The following CTNNA2 variants were observed in gnomAD, a reference collection of about 807,000 sequenced individuals.
CTNNA2 encodes the protein catenin alpha 2.
Under a neutral mutation model 101.0 loss-of-function variants are expected in CTNNA2, and 42 were observed. The ratio of observed to expected loss-of-function variants is 0.42; its 90% CI spans 0.32 to 0.54. The LOEUF (loss-of-function observed/expected upper bound fraction) is 0.54. Ranked by LOEUF, CTNNA2 falls within the 20% of genes least tolerant of loss-of-function variation. The pLI is 0.14. For missense variants in CTNNA2, 871 were observed against 1,223.1 expected, an observed-to-expected ratio of 0.71 and a Z score of 4.29; for synonymous variants, 450 against 456.4, an observed-to-expected ratio of 0.99 and a Z score of 0.18.
intron 13 of CTNNA2, among the ~76,000 whole-genome samples, chr2:80,579,945 C>A (rs1017904010): frequency 2.0e-5 from 3 of 152,178 alleles, no homozygotes; most frequent in Non-Finnish European, 4.4e-5. Flanking sequence ...AAAGACAAAG[C>A]CCTGGAATGT....
At chr2:79,787,889 G>A (rs1398441741) in intron 3 of CTNNA2, among the ~76,000 whole-genome samples, 1 of 151,780 alleles carries the variant, frequency 6.6e-6, no homozygotes, top group Non-Finnish European at 1.5e-5. Flanking sequence ...ACACATGCAC[G>A]GTGCCTTTTG....
chr2:80,528,626 C>A (rs2149589640), intron 9 of CTNNA2, among the ~76,000 whole-genome samples: 1 of 152,212 alleles, frequency 6.6e-6, no homozygotes, highest in Non-Finnish European at 1.5e-5. Flanking sequence ...ACACTTCAGG[C>A]ATGATCATGA....
At chr2:79,257,859 C>A (rs1674868921) in intron 2 of CTNNA2, among the ~76,000 whole-genome samples, 1 of 151,880 alleles carries the variant, frequency 6.6e-6, no homozygotes, top group Non-Finnish European at 1.5e-5. Flanking sequence ...AGCTAGAAAT[C>A]CAAAATCAAG....
At chr2:80,469,372 C>T (rs1026657093) in intron 9 of CTNNA2, among the ~76,000 whole-genome samples, 2 of 152,170 alleles carry the variant, frequency 1.3e-5, no homozygotes, top group South Asian at 2.1e-4. Context: ...GTGTTTCTGG[C>T]AGGTTGGAGG....
intron 7 of CTNNA2, among the ~76,000 whole-genome samples, chr2:79,946,887 TG>T (rs1464333709): frequency 6.6e-6 from 1 of 152,154 alleles, no homozygotes; most frequent in Non-Finnish European, 1.5e-5. Flanking sequence ...TTCACAGCAA[TG>T]GCCTTCAGGC....
intron 9 of CTNNA2, among the ~76,000 whole-genome samples, chr2:80,528,860 G>A (rs1649910712): frequency 6.6e-6 from 1 of 152,088 alleles, no homozygotes; most frequent in Admixed American, 6.5e-5. Flanking sequence ...CTCAAACTTT[G>A]TAGCTCTTCA....
At chr2:79,596,973 C>T (rs1677230073) in intron 1 of CTNNA2, among the ~76,000 whole-genome samples, 1 of 152,168 alleles carries the variant, frequency 6.6e-6, no homozygotes, top group Non-Finnish European at 1.5e-5. Flanking sequence ...AATCACTCTT[C>T]TCAGTTTTGT....
At chr2:80,383,098 A>C (rs1285347661) in intron 7 of CTNNA2, among the ~76,000 whole-genome samples, 1 of 152,190 alleles carries the variant, frequency 6.6e-6, no homozygotes. Flanking sequence ...CAATCACCCA[A>C]GCTCAGGGGG....
intron 4 of CTNNA2, among the ~76,000 whole-genome samples, chr2:79,377,360 A>G (rs1012090701): frequency 4.6e-5 from 7 of 152,200 alleles, no homozygotes; most frequent in Admixed American, 2.0e-4. Context: ...ATGCTGTACA[A>G]GGTCCTTGAC....
intron 2 of CTNNA2, among the ~76,000 whole-genome samples, chr2:79,701,771 G>A (rs1685017694): frequency 6.6e-6 from 1 of 152,126 alleles, no homozygotes; most frequent in Admixed American, 6.6e-5. Context: ...GAAGGCTGAG[G>A]CAGGTGGATC....
At chr2:79,624,635 G>A (rs1421656301) in intron 1 of CTNNA2, among the ~76,000 whole-genome samples, 1 of 152,044 alleles carries the variant, frequency 6.6e-6, no homozygotes, top group East Asian at 1.9e-4. Context: ...TGGTGGGAGT[G>A]AATTAATTAG....
chr2:79,654,007 G>A (rs1027115012), intron 2 of CTNNA2, among the ~76,000 whole-genome samples: 3 of 152,062 alleles, frequency 2.0e-5, no homozygotes, highest in South Asian at 2.1e-4. Flanking sequence ...TTCTACCAAC[G>A]TCTATTTATG....
At chr2:80,200,267 A>G (rs1240046950) in intron 7 of CTNNA2, among the ~76,000 whole-genome samples, 3 of 152,220 alleles carry the variant, frequency 2.0e-5, no homozygotes, top group Non-Finnish European at 4.4e-5. Flanking sequence ...CCCTTTCTAT[A>G]GATGAGAAAC....
chr2:80,611,609 A>C (rs1698472551), intron 17 of CTNNA2, among the ~76,000 whole-genome samples: 1 of 151,622 alleles, frequency 6.6e-6, no homozygotes, highest in African/African-American at 2.4e-5. Flanking sequence ...GCACCTTTAA[A>C]GTTAAAAATG....
At chr2:79,296,524 A>C (rs1179698925) in intron 2 of CTNNA2, among the ~76,000 whole-genome samples, 3 of 152,122 alleles carry the variant, frequency 2.0e-5, no homozygotes, top group Admixed American at 2.0e-4. Flanking sequence ...GCATTTATTT[A>C]CTACACTTAT....
intron 1 of CTNNA2, among the ~76,000 whole-genome samples, chr2:79,533,640 A>G (rs939956070): frequency 2.0e-5 from 3 of 152,124 alleles, no homozygotes; most frequent in Non-Finnish European, 2.9e-5. Flanking sequence ...ATAATGGCAC[A>G]TGTTCCTAAT....
At chr2:79,588,309 C>T (rs534580870) in intron 1 of CTNNA2, among the ~76,000 whole-genome samples, 2 of 152,314 alleles carry the variant, frequency 1.3e-5, no homozygotes, top group Middle Eastern at 3.4e-3. Flanking sequence ...CAGTATTTCA[C>T]TTGGACGGAG....
chr2:79,593,880 G>GTTTTTTTTTT (rs945227300), intron 1 of CTNNA2, among the ~76,000 whole-genome samples: 7 of 85,438 alleles, frequency 8.2e-5, no homozygotes, highest in African/African-American at 2.1e-4. Flanking sequence ...CTTTCTTTTA[G>GTTTTTTTTTT]TTTTTTTTTT....
chr2:80,162,784 A>C (rs1704411440), intron 7 of CTNNA2: 3 of 1,589,620 alleles, frequency 1.9e-6, no homozygotes. Context: ...CCACCATATG[A>C]CATTTGTCTC....
Sources: gnomAD v4.1 joint callset for allele counts (sites outside exome capture counted in the v4.1 genomes callset) on GRCh38, gnomAD v4.1.1 for gene constraint, MANE v1.5 for transcripts, NCBI Gene and HGNC (gene_info 2026-07-23, HGNC 2026-07-21) for gene names.